SMARCA2: variants seen among roughly 807,000 people sequenced by gnomAD.
SMARCA2 encodes the protein SWI/SNF related BAF chromatin remodeling complex subunit ATPase 2.
A neutral mutation model predicts 199.8 loss-of-function variants in SMARCA2; 61 were observed. The observed-to-expected ratio is 0.31, with a 90% confidence interval of 0.25 to 0.38. SMARCA2 has a LOEUF of 0.38. SMARCA2 is among the 10% of genes least tolerant of loss of function. SMARCA2 has a pLI of 1.00. For missense variants in SMARCA2, 1,344 were observed against 2,012.2 expected, an observed-to-expected ratio of 0.67 and a Z score of 6.35; for synonymous variants, 935 against 732.0, an observed-to-expected ratio of 1.28 and a Z score of -4.48.
rs144658448 is a variant in SMARCA2, at chr9:2,070,552, C to G, written c.1746+81C>G. ...CTGGCAGCACCATTCTTCATGCATA[C>G]TATTTTATTCTTACTGTGCTATTTA... On this transcript the variant is annotated intron_variant, in intron 10 of 33. Transcript: ENST00000349721. 6,341 of 945,780 alleles carry G rather than the reference C, an allele frequency of 6.7e-3. 50 individuals carry two copies. The highest frequency in any genetic ancestry group is 7.0e-3 in the Non-Finnish European group (4,136 of 592,334). The allele number at this position is 945,780 out of a possible 1,614,324, so 58.6% of individuals were successfully genotyped here.
chr9:2,039,873 G>A lies in SMARCA2; in HGVS notation c.763G>A (p.Ala255Thr), dbSNP rs745669287. 2.5e-6 allele frequency: 4 copies of A among 1,613,720 alleles called. No individual in the cohort carries two copies. The highest frequency in any genetic ancestry group is 3.4e-6 in the Non-Finnish European group (4 of 1,179,992). The change falls in exon 4 of 34, where the codon GCC becomes ACC. Residue 255 changes from alanine (A) to threonine (T), a missense_variant. Physicochemically the swap from Ala to Thr is moderately conservative, Grantham distance 58 (BLOSUM62 0). Around this residue, in one of 18 missense-constraint regions of SMARCA2, gnomAD observed 117 missense variants for 99.1 expected, o/e 1.18. Transcript: ENST00000349721. The surrounding 1 kb of genome is among the most constrained non-coding windows in gnomAD (Gnocchi z 4.8). ...ACAGACGCAGCAACAACAGCAGCCG[G>A]CCCTTGTTAACTACAACAGACCATC... ...QPQTQQQQQP[A>T]LVNYNRPSGP...
intron 23 of SMARCA2, among the ~76,000 whole-genome samples, chr9:2,109,604 C>T (rs1037324564): frequency 1.3e-5 from 2 of 150,322 alleles, no homozygotes; most frequent in Admixed American, 6.6e-5. Flanking sequence ...AGGATGATAA[C>T]GTGAGAAACA....
chr9:2,018,708 C>G (rs188800004), intron 1 of SMARCA2, among the ~76,000 whole-genome samples: 2 of 152,332 alleles, frequency 1.3e-5, no homozygotes, highest in East Asian at 3.9e-4. Context: ...CAGAAAATTT[C>G]TATCCAACCA....
intron 4 of SMARCA2, chr9:2,042,812 G>A (rs1293741498): frequency 1.3e-5 from 2 of 152,096 alleles, no homozygotes. Context: ...TGGGCAGGTA[G>A]GGTTTTATGG....
intron 23 of SMARCA2, among the ~76,000 whole-genome samples, chr9:2,109,686 T>C (rs1054133163): frequency 1.3e-5 from 2 of 152,182 alleles, no homozygotes; most frequent in East Asian, 3.8e-4. Context: ...GATAAAATTA[T>C]TCCATTTGCA....
chr9:2,191,000 T>C (rs923192478), intron 32 of SMARCA2, among the ~76,000 whole-genome samples: 6 of 152,176 alleles, frequency 3.9e-5, no homozygotes, highest in African/African-American at 1.2e-4. Flanking sequence ...AGGTGAAGGA[T>C]CCAGCCCCAC....
At chr9:2,018,857 A>G (rs1586612323) in intron 1 of SMARCA2, among the ~76,000 whole-genome samples, 1 of 152,378 alleles carries the variant, frequency 6.6e-6, no homozygotes, top group East Asian at 1.9e-4. Context: ...GGCCACAACC[A>G]GAAGCTTGTT....
chr9:2,080,941 A>G (rs1387312347), intron 14 of SMARCA2, among the ~76,000 whole-genome samples: 2 of 152,210 alleles, frequency 1.3e-5, no homozygotes, highest in African/African-American at 4.8e-5. Context: ...AGCTCCTTGC[A>G]TGGCCCCTTG....
chr9:2,138,662 A>G (rs1161794972), intron 27 of SMARCA2, among the ~76,000 whole-genome samples: 1 of 152,126 alleles, frequency 6.6e-6, no homozygotes, highest in Non-Finnish European at 1.5e-5. Context: ...CAGATTTGTC[A>G]CTGATTTGCT....
chr9:2,072,786 T>G (rs972547005), intron 10 of SMARCA2, among the ~76,000 whole-genome samples: 35 of 152,358 alleles, frequency 2.3e-4, no homozygotes, highest in African/African-American at 7.9e-4. Flanking sequence ...GACTCAGGGC[T>G]ATCCCCAATA....
At chr9:2,191,511 G>A (rs1349034865) in intron 33 of SMARCA2, 103 bp downstream of exon 33, 2 of 1,237,336 alleles carry the variant, frequency 1.6e-6, no homozygotes, top group Admixed American at 2.1e-5. Flanking sequence ...TATTACCCAG[G>A]ACTGGAAATG....
At chr9:2,097,550 A>T in intron 21 of SMARCA2, 79 bp downstream of exon 21, 1 of 792,430 alleles carries the variant, frequency 1.3e-6, no homozygotes, top group South Asian at 1.7e-5. Context: ...ACAAACAGGA[A>T]AAAAAAAAAC....
intron 1 of SMARCA2, among the ~76,000 whole-genome samples, chr9:2,023,160 G>A (rs190772037): frequency 3.3e-5 from 5 of 152,302 alleles, no homozygotes; most frequent in Admixed American, 3.3e-4. Context: ...TAAGAGCCAG[G>A]ATCCTATTAA....
chr9:2,151,819 C>T (rs1825096886), intron 27 of SMARCA2, among the ~76,000 whole-genome samples: 1 of 152,022 alleles, frequency 6.6e-6, no homozygotes, highest in Non-Finnish European at 1.5e-5. Flanking sequence ...AAAGTCATCT[C>T]AATATATTTT....
rs56186732 is a variant in SMARCA2 at position 2,176,182 on chromosome 9, G to GTT, written c.4254-5369_4254-5368dup. 3.3e-3 allele frequency among the ~76,000 whole-genome samples: 346 copies of GTT among 104,108 alleles called. 4 individuals are homozygous for GTT. The Middle Eastern group carries it at 0.044, about 13-fold the overall frequency. 68.3% of individuals were successfully genotyped at this position (104,108 alleles called of 152,430 possible). ...AGGCATGAGCCACCGCGCCCGGCCTGTTTTTTTTTTTTTTTTTTTTTATAA... is the reference window on the plus strand; with the variant it reads ...AGGCATGAGCCACCGCGCCCGGCCTGTTTTTTTTTTTTTTTTTTTTTTTATAA... On this transcript the variant is annotated intron_variant, in intron 29 of 33. Coordinates refer to ENST00000349721, the MANE Select transcript of SMARCA2 (RefSeq NM_003070.5).
At chr9:2,154,807 T>G (rs1368969554) in intron 27 of SMARCA2, among the ~76,000 whole-genome samples, 1 of 152,242 alleles carries the variant, frequency 6.6e-6, no homozygotes, top group African/African-American at 2.4e-5. Flanking sequence ...ATTAGTTTGT[T>G]ACCCTCTTTT....
rs924255781 is a variant in SMARCA2, at chr9:2,016,592, T to C, written c.-37+1188T>C. 6.6e-6 allele frequency among the ~76,000 whole-genome samples: 1 copy of C among 151,090 alleles called. No homozygotes were observed. Among genetic ancestry groups the C allele is most frequent in the Admixed American group, 6.6e-5 (1 of 15,190 alleles). On this transcript the variant is annotated intron_variant, in intron 1 of 33. Coordinates refer to ENST00000349721, the MANE Select transcript of SMARCA2 (RefSeq NM_003070.5). The surrounding 1 kb of genome is among the most constrained non-coding windows in gnomAD (Gnocchi z 5.6). ...ATCCGGATAATCCTGTCTGCCTGACTGTCACAAACAGGACCCGCGCACCAC... is the reference window on the plus strand; with the variant it reads ...ATCCGGATAATCCTGTCTGCCTGACCGTCACAAACAGGACCCGCGCACCAC...
At chr9:2,100,808 C>G (rs1202884570) in intron 21 of SMARCA2, among the ~76,000 whole-genome samples, 1 of 151,958 alleles carries the variant, frequency 6.6e-6, no homozygotes, top group Non-Finnish European at 1.5e-5. Flanking sequence ...TTGTATTAGT[C>G]CAGTTTGATG....
chr9:2,087,366 G>C, intron 18 of SMARCA2: 1 of 346,368 alleles, frequency 2.9e-6, no homozygotes, highest in Non-Finnish European at 5.3e-6. Context: ...TGGGCCACAG[G>C]GAGGATGAAC....
Sources: gnomAD v4.1 joint callset for allele counts (sites outside exome capture counted in the v4.1 genomes callset) on GRCh38, gnomAD v4.1.1 for gene constraint, gnomAD v4.1.1 regional missense constraint, Gnocchi (gnomAD v3.1) non-coding constraint, MANE v1.5 for transcripts, NCBI Gene and HGNC (gene_info 2026-07-23, HGNC 2026-07-21) for gene names.